The following OXR1 variants were observed in gnomAD, a reference collection of about 807,000 sequenced individuals.
OXR1 encodes oxidation resistance 1, also known as oxidation resistance protein 1.
In OXR1, 41 loss-of-function variants were observed where a neutral mutation model predicts 104.6. The observed-to-expected ratio is 0.39, with a 90% CI of 0.31 to 0.51. The LOEUF (loss-of-function observed/expected upper bound fraction) is 0.51, where lower values mean the gene tolerates loss of function less well. Ranked by LOEUF, OXR1 falls within the 20% of genes least tolerant of loss-of-function variation. The pLI is 0.77. For synonymous variants in OXR1, 348 were observed against 348.4 expected (o/e 1.00, Z 0.01); for missense variants, 955 against 1,031.9 (o/e 0.93, Z 1.02).
At chr8:106,737,690 T>A (rs182226104) in intron 12 of OXR1, 90 bp downstream of exon 12, 3 of 451,790 alleles carry the variant, frequency 6.6e-6, no homozygotes, top group Non-Finnish European at 1.1e-5. Flanking sequence ...TTTGAAGAAT[T>A]TGCTTTGACT....
intron 2 of OXR1, among the ~76,000 whole-genome samples, chr8:106,438,197 C>T (rs909973317): frequency 2.6e-5 from 4 of 151,882 alleles, no homozygotes; most frequent in African/African-American, 4.8e-5. Context: ...GGTAGGGACA[C>T]AAGGACTAGA....
At chr8:106,466,381 G>A (rs530362875) in intron 2 of OXR1, among the ~76,000 whole-genome samples, 1 of 151,522 alleles carries the variant, frequency 6.6e-6, no homozygotes, top group African/African-American at 2.4e-5. Context: ...CAGACAAGAG[G>A]GACTTCTTTT....
intron 1 of OXR1, among the ~76,000 whole-genome samples, chr8:106,294,166 G>C (rs1378542064): frequency 6.6e-6 from 1 of 151,732 alleles, no homozygotes; most frequent in East Asian, 1.9e-4. Context: ...ACTTTGGGAG[G>C]CCGAGGCGGG....
At chr8:106,594,423 A>G (rs1819357695) in intron 3 of OXR1, among the ~76,000 whole-genome samples, 1 of 152,222 alleles carries the variant, frequency 6.6e-6, no homozygotes, top group African/African-American at 2.4e-5. Context: ...AGCTGGGGAT[A>G]GTCCTCTTTG....
Position 106,661,012 on chromosome 8 carries a change from T to TAAAACA in OXR1, c.221-18187_221-18182dup, listed in dbSNP as rs1435365191. On this transcript the variant is annotated intron_variant, in intron 3 of 16. Transcript: ENST00000517566. ...ACAGAACGAGACTCCATCTCAAAAA[T>TAAAACA]AAAACAAAAACAAAAATTAGCCAGG... 2.0e-5 allele frequency among the ~76,000 whole-genome samples: 3 copies of TAAAACA among 150,502 alleles called. No individual in the cohort carries two copies. The East Asian group carries it at 5.8e-4, about 29-fold the overall frequency.
intron 16 of OXR1, among the ~76,000 whole-genome samples, chr8:106,748,255 A>G (rs941993954): frequency 5.9e-5 from 9 of 152,182 alleles, no homozygotes; most frequent in African/African-American, 2.2e-4. Context: ...TTCAATTTGA[A>G]CCTTAACAAA....
intron 2 of OXR1, among the ~76,000 whole-genome samples, chr8:106,441,293 C>G (rs560724044): frequency 3.3e-5 from 5 of 152,134 alleles, no homozygotes; most frequent in South Asian, 4.1e-4. Flanking sequence ...GTTATGGTAC[C>G]AGTACCATGC....
At chr8:106,560,491 C>A (rs1451947960) in intron 3 of OXR1, among the ~76,000 whole-genome samples, 5 of 152,154 alleles carry the variant, frequency 3.3e-5, no homozygotes, top group African/African-American at 1.2e-4. Flanking sequence ...TAGTTCCCAT[C>A]CTGAACCTTG....
chr8:106,311,693 T>C lies in OXR1; in HGVS notation c.-139+41326T>C, dbSNP rs536804838. Among the ~76,000 whole-genome samples, 3 of 152,272 alleles carry C rather than the reference T, an allele frequency of 2.0e-5. No homozygotes were observed. In the South Asian group the frequency reaches 6.2e-4, roughly 32 times the overall value. On this transcript the variant is annotated intron_variant, in intron 1 of 16. Transcript: ENST00000517566. ...TTTTAGATGTTTAACCAACCATTTT[T>C]CTCAGCCCTACCTATACCACTGCCT...
intron 1 of OXR1, among the ~76,000 whole-genome samples, chr8:106,316,538 A>G (rs962195015): frequency 5.3e-5 from 8 of 152,226 alleles, no homozygotes; most frequent in Non-Finnish European, 1.0e-4. Context: ...AAATGAAGAT[A>G]AATGAGCCTA....
intron 1 of OXR1, among the ~76,000 whole-genome samples, chr8:106,270,768 C>T (rs1811764523): frequency 6.6e-6 from 1 of 151,792 alleles, no homozygotes. Flanking sequence ...AGCGTGAGAG[C>T]AGTGTTGGGG....
At chr8:106,458,577 C>T (rs1056860365) in intron 2 of OXR1, among the ~76,000 whole-genome samples, 2 of 152,050 alleles carry the variant, frequency 1.3e-5, no homozygotes, top group African/African-American at 2.4e-5. Context: ...AGAGTGGGGC[C>T]ACTTCCAAGA....
chr8:106,713,903 C>T lies in OXR1; in HGVS notation c.1874C>T (p.Pro625Leu). The T allele has an allele frequency of 1.9e-6, 3 of 1,592,574 alleles. No individual in the cohort carries two copies. The highest frequency in any genetic ancestry group is 3.3e-4 in the Middle Eastern group (2 of 6,010). The change falls in exon 11 of 17, where the codon CCT becomes CTT. Residue 625 changes from proline (P) to leucine (L), a missense_variant. By Grantham distance (98) the Pro-to-Leu change is moderately conservative. Coordinates refer to ENST00000517566, the MANE Select transcript of OXR1 (RefSeq NM_001198533.2). ...GATACTGGCGAATATACCAGAGAACCTGGATTTATAGTAGTAAAAAAGATT... is the reference window on the plus strand; with the variant it reads ...GATACTGGCGAATATACCAGAGAACTTGGATTTATAGTAGTAAAAAAGATT... ...AEDTGEYTREPGFIVVKKIEE... is the reference protein window; with the variant it reads ...AEDTGEYTRELGFIVVKKIEE...
intron 10 of OXR1, among the ~76,000 whole-genome samples, chr8:106,711,732 C>T (rs1042871640): frequency 1.3e-5 from 2 of 152,060 alleles, no homozygotes; most frequent in Admixed American, 6.6e-5. Context: ...TTCTCTGTAC[C>T]TCCTTTCCTA....
At chr8:106,310,908 T>C (rs905273543) in intron 1 of OXR1, among the ~76,000 whole-genome samples, 1 of 152,136 alleles carries the variant, frequency 6.6e-6, no homozygotes, top group East Asian at 1.9e-4. Flanking sequence ...TTGGATCATT[T>C]TTTTATCCAT....
intron 6 of OXR1, among the ~76,000 whole-genome samples, chr8:106,689,314 A>G (rs1479361851): frequency 2.0e-5 from 3 of 151,990 alleles, no homozygotes; most frequent in Non-Finnish European, 4.4e-5. Flanking sequence ...TCCTGTATGT[A>G]TGTCTTCACA....
intron 1 of OXR1, among the ~76,000 whole-genome samples, chr8:106,311,806 C>T (rs1435385139): frequency 1.3e-5 from 2 of 152,156 alleles, no homozygotes; most frequent in African/African-American, 4.8e-5. Flanking sequence ...TTTCTCTTCC[C>T]TACCCATTCT....
At chr8:106,679,120 G>T in intron 3 of OXR1, 90 bp from the exon 4 acceptor site, 1 of 667,638 alleles carries the variant, frequency 1.5e-6, no homozygotes, top group Non-Finnish European at 2.6e-6. Flanking sequence ...TAGTAAATTA[G>T]ACATCTGCCC....
At chr8:106,278,619 T>G (rs757435255) in intron 1 of OXR1, among the ~76,000 whole-genome samples, 2 of 152,216 alleles carry the variant, frequency 1.3e-5, no homozygotes, top group Non-Finnish European at 2.9e-5. Context: ...CTTTTTTAAT[T>G]AACATATTAA....
Sources: gnomAD v4.1 joint callset for allele counts (sites outside exome capture counted in the v4.1 genomes callset) on GRCh38, gnomAD v4.1.1 for gene constraint, MANE v1.5 for transcripts, NCBI Gene and HGNC (gene_info 2026-07-23, HGNC 2026-07-21) for gene names.